The following RASAL2 variants were observed in gnomAD, a reference collection of about 807,000 sequenced individuals.
RASAL2 encodes ras GTPase-activating protein nGAP.
In RASAL2, 58 loss-of-function variants were observed where a neutral mutation model predicts 128.9. The observed-to-expected ratio is 0.45, with a 90% CI of 0.36 to 0.56. The LOEUF is 0.56. RASAL2 is among the 20% of genes least tolerant of loss of function. The pLI, the probability that RASAL2 is intolerant of heterozygous loss-of-function variation, is 0.00. For synonymous variants in RASAL2, 561 were observed against 580.8 expected (o/e 0.97, Z 0.49); for missense variants, 1,360 against 1,601.6 (o/e 0.85, Z 2.57).
intron 5 of RASAL2, among the ~76,000 whole-genome samples, chr1:178,437,829 CTT>C (rs1400685507): frequency 6.6e-6 from 1 of 151,826 alleles, no homozygotes; most frequent in African/African-American, 2.4e-5. Context: ...ATGTCATTGT[CTT>C]ATACATAGAA....
chr1:178,320,658 C>A (rs1407135222), intron 3 of RASAL2, among the ~76,000 whole-genome samples: 2 of 152,154 alleles, frequency 1.3e-5, no homozygotes, highest in African/African-American at 2.4e-5. Flanking sequence ...GGCTCGCACA[C>A]GGTGCGCGCA....
intron 3 of RASAL2, among the ~76,000 whole-genome samples, chr1:178,369,875 CATT>C (rs1338104253): frequency 6.6e-6 from 1 of 151,998 alleles, no homozygotes; most frequent in African/African-American, 2.4e-5. Flanking sequence ...TTGAGAAAAA[CATT>C]ATGTAAACAA....
rs1440482264 is a variant in RASAL2, at chr1:178,319,439, C to T, written c.457+19321C>T. Among the ~76,000 whole-genome samples the T allele has an allele frequency of 5.3e-5, 8 of 151,372 alleles. No homozygotes were observed. The South Asian group carries it at 1.0e-3, about 20-fold the overall frequency. ...ATCACTTTCAGGTACACCAATCAGA[C>T]GTAGATTTGGTCTTTTCACATAGTC... On this transcript the variant is annotated intron_variant, in intron 3 of 17. Transcript: ENST00000367649.
chr1:178,254,555 T>C (rs796183302), intron 1 of RASAL2, among the ~76,000 whole-genome samples: 2 of 152,158 alleles, frequency 1.3e-5, no homozygotes, highest in East Asian at 3.9e-4. Flanking sequence ...TAGAAAAATA[T>C]GCTAAGAAAA....
intron 1 of RASAL2, among the ~76,000 whole-genome samples, chr1:178,180,617 C>G (rs1053755157): frequency 6.7e-6 from 1 of 148,376 alleles, no homozygotes; most frequent in East Asian, 2.0e-4. Context: ...CAGTGAGCTG[C>G]GATCACAGCA....
intron 1 of RASAL2, among the ~76,000 whole-genome samples, chr1:178,135,295 G>T (rs1660277459): frequency 6.6e-6 from 1 of 152,068 alleles, no homozygotes; most frequent in Admixed American, 6.5e-5. Context: ...GCCTACAGGT[G>T]TCTTGACCTT....
At chr1:178,358,241 A>C in intron 3 of RASAL2, among the ~76,000 whole-genome samples, 1 of 135,472 alleles carries the variant, frequency 7.4e-6, no homozygotes, top group East Asian at 2.0e-4. Context: ...GTCTCCTAAA[A>C]AAAAAAAAAA....
At chr1:178,259,593 A>T (rs1362787306) in intron 1 of RASAL2, among the ~76,000 whole-genome samples, 1 of 152,156 alleles carries the variant, frequency 6.6e-6, no homozygotes, top group Admixed American at 6.5e-5. Context: ...TTTTGTTTTT[A>T]GAGGCCAAGT....
intron 3 of RASAL2, among the ~76,000 whole-genome samples, chr1:178,347,147 G>A (rs1670193421): frequency 1.3e-5 from 2 of 152,066 alleles, no homozygotes; most frequent in African/African-American, 4.8e-5. Flanking sequence ...TGTATTTGAC[G>A]GTGAAATTTT....
chr1:178,209,789 C>G (rs1352281727), intron 1 of RASAL2, among the ~76,000 whole-genome samples: 4 of 151,816 alleles, frequency 2.6e-5, no homozygotes, highest in African/African-American at 9.7e-5. Flanking sequence ...GATCAGTCTC[C>G]TAGACTATGT....
chr1:178,281,293 T>A (rs536448994), intron 1 of RASAL2, among the ~76,000 whole-genome samples: 1 of 152,122 alleles, frequency 6.6e-6, no homozygotes, highest in East Asian at 1.9e-4. Flanking sequence ...TATTTCTTCT[T>A]ATCTTTAGCA....
intron 1 of RASAL2, among the ~76,000 whole-genome samples, chr1:178,150,747 A>C (rs1660885421): frequency 6.6e-6 from 1 of 152,146 alleles, no homozygotes; most frequent in African/African-American, 2.4e-5. Context: ...TTAACCCCCA[A>C]ATCAATACTT....
intron 10 of RASAL2, 41 bp from the exon 11 acceptor site, chr1:178,452,375 C>G: frequency 6.5e-7 from 1 of 1,540,490 alleles, no homozygotes; most frequent in Non-Finnish European, 9.0e-7. Context: ...TGTACTGGTA[C>G]TTCTGTGTTT....
chr1:178,380,032 G>A (rs1263778640), intron 3 of RASAL2, among the ~76,000 whole-genome samples: 2 of 152,074 alleles, frequency 1.3e-5, no homozygotes, highest in African/African-American at 4.8e-5. Context: ...AGGTGCAGTC[G>A]CACGCCGCCA....
intron 1 of RASAL2, among the ~76,000 whole-genome samples, chr1:178,118,552 A>T (rs1015868643): frequency 2.6e-5 from 4 of 152,174 alleles, no homozygotes; most frequent in African/African-American, 9.6e-5. Flanking sequence ...TGGGTTGTGG[A>T]TCTATTCCTT....
chr1:178,141,597 C>A (rs575280021), intron 1 of RASAL2, among the ~76,000 whole-genome samples: 2 of 152,016 alleles, frequency 1.3e-5, no homozygotes, highest in Non-Finnish European at 2.9e-5. Context: ...GGTTGGCCGT[C>A]GACTGCTCCA....
chr1:178,422,410 A>C (rs1282176348), intron 5 of RASAL2, among the ~76,000 whole-genome samples: 1 of 152,144 alleles, frequency 6.6e-6, no homozygotes, highest in African/African-American at 2.4e-5. Flanking sequence ...GCACAATAAA[A>C]AAGTGCTAGT....
intron 1 of RASAL2, among the ~76,000 whole-genome samples, chr1:178,250,154 T>A (rs1664973488): frequency 6.6e-6 from 1 of 152,214 alleles, no homozygotes; most frequent in Non-Finnish European, 1.5e-5. Context: ...GGAACGTTTA[T>A]GTCTGCTGAA....
chr1:178,444,151 G>GTATGGA (rs1460155003), intron 8 of RASAL2, among the ~76,000 whole-genome samples: 3 of 152,228 alleles, frequency 2.0e-5, no homozygotes, highest in African/African-American at 7.2e-5. Flanking sequence ...ATTTTGAATT[G>GTATGGA]TATGGATATA....
Sources: gnomAD v4.1 joint callset for allele counts (sites outside exome capture counted in the v4.1 genomes callset) on GRCh38, gnomAD v4.1.1 for gene constraint, MANE v1.5 for transcripts, NCBI Gene and HGNC (gene_info 2026-07-23, HGNC 2026-07-21) for gene names.